Variants in GRID2 observed in about 807,000 individuals in gnomAD.
GRID2 encodes glutamate receptor ionotropic, delta-2.
A neutral mutation model predicts 114.8 loss-of-function variants in GRID2; 33 were observed. That is an observed-to-expected ratio of 0.29 (90% CI 0.22 to 0.38). The LOEUF is 0.38. GRID2 is among the 10% of genes least tolerant of loss of function. The pLI, the probability that GRID2 is intolerant of heterozygous loss-of-function variation, is 1.00. For missense variants in GRID2, 1,184 were observed against 1,257.7 expected (o/e 0.94, Z 0.89); for synonymous variants, 505 against 449.9 (o/e 1.12, Z -1.55).
chr4:93,338,148 T>C lies in GRID2; in HGVS notation c.1246-57459T>C, dbSNP rs532984489. On this transcript the variant is annotated intron_variant, in intron 8 of 15. Transcript: ENST00000282020. ...TTGACCATTCATCAGTGATGTGAAT[T>C]TTTTTTTGCTACAATACATAACAGT... is the stretch of plus-strand genomic sequence containing the variant. Among the ~76,000 whole-genome samples, 88 of 91,622 alleles carry C rather than the reference T, an allele frequency of 9.6e-4. No homozygotes were observed. The African/African-American group carries it at 0.011, about 11-fold the overall frequency. 60.1% of individuals were successfully genotyped at this position (91,622 alleles called of 152,430 possible). A position where few individuals can be genotyped will look rare whatever the true frequency, so the allele number is the denominator to read the frequency against.
chr4:92,593,857 T>G (rs1368515101), intron 2 of GRID2, among the ~76,000 whole-genome samples: 4 of 151,096 alleles, frequency 2.6e-5, no homozygotes, highest in Non-Finnish European at 5.9e-5. Flanking sequence ...CTTGACAATT[T>G]TTTTTTTCAT....
At chr4:92,536,727 C>A (rs942547906) in intron 1 of GRID2, among the ~76,000 whole-genome samples, 1 of 152,098 alleles carries the variant, frequency 6.6e-6, no homozygotes. Flanking sequence ...TTATATGCCT[C>A]TTGCTCACCA....
rs531300900 is a variant in GRID2, at chr4:93,518,361, C to T, written c.2193+2950C>T. The stretch of plus-strand genomic sequence containing the variant: ...TTTGCTAAACTTGGTAGCAAACTAC[C>T]CTAAGTAAACTAGACAAATTTTTTT... On this transcript the variant is annotated intron_variant, in intron 13 of 15. Transcript: ENST00000282020. 2.0e-5 allele frequency among the ~76,000 whole-genome samples: 3 copies of T among 151,880 alleles called. No individual in the cohort carries two copies. In the South Asian group the frequency reaches 6.3e-4, roughly 32 times the overall value.
At position 92,395,219 on chromosome 4, in the gene GRID2, A is replaced by G. The variant is rs1056132175; in HGVS notation, c.88+90475A>G. On this transcript the variant is annotated intron_variant, in intron 1 of 15. Transcript: ENST00000282020. ...AATGGGGATATTTTTACAATAAAAC[A>G]TAGAATTAAAAATTATGATTTTGGA... Among the ~76,000 whole-genome samples, 8 of 151,860 alleles carry G rather than the reference A, an allele frequency of 5.3e-5. No homozygotes were observed. In the East Asian group the frequency reaches 1.5e-3, roughly 29 times the overall value.
At chr4:93,157,559 G>A (rs1473909936) in intron 4 of GRID2, among the ~76,000 whole-genome samples, 1 of 151,724 alleles carries the variant, frequency 6.6e-6, no homozygotes, top group Non-Finnish European at 1.5e-5. Flanking sequence ...TACTGGAAAA[G>A]TAGAAACGCT....
intron 1 of GRID2, among the ~76,000 whole-genome samples, chr4:92,487,587 T>TA (rs1722955317): frequency 2.6e-5 from 4 of 152,224 alleles, no homozygotes; most frequent in Admixed American, 2.6e-4. Context: ...TGTCTTTGTC[T>TA]TGCAAGAATT....
At chr4:93,037,162 G>A (rs768832033) in intron 2 of GRID2, among the ~76,000 whole-genome samples, 5 of 152,130 alleles carry the variant, frequency 3.3e-5, no homozygotes, top group Non-Finnish European at 5.9e-5. Context: ...TCTCTGGCAT[G>A]TAATTTCTCT....
At chr4:93,782,665 C>A (rs1368026601) in intron 1 of GRID2, among the ~76,000 whole-genome samples, 4 of 152,134 alleles carry the variant, frequency 2.6e-5, no homozygotes, top group African/African-American at 9.7e-5. Context: ...AACCAACTTT[C>A]AACACTGAGG....
At chr4:93,131,930 G>A (rs1199738586) in intron 4 of GRID2, among the ~76,000 whole-genome samples, 3 of 152,232 alleles carry the variant, frequency 2.0e-5, no homozygotes, top group Non-Finnish European at 2.9e-5. Context: ...TCCTAGAATA[G>A]TGTCTCTCAG....
intron 1 of GRID2, among the ~76,000 whole-genome samples, chr4:92,569,030 A>G (rs142450005): frequency 6.6e-6 from 1 of 152,152 alleles, no homozygotes; most frequent in East Asian, 1.9e-4. Flanking sequence ...TAAATAGGCA[A>G]AAGTGTGCCA....
chr4:92,781,717 G>T (rs1739085696), intron 2 of GRID2, among the ~76,000 whole-genome samples: 1 of 151,782 alleles, frequency 6.6e-6, no homozygotes, highest in African/African-American at 2.4e-5. Context: ...GCTATTGAGG[G>T]ATTCTAATAT....
chr4:92,784,265 A>C (rs969047303), intron 2 of GRID2, among the ~76,000 whole-genome samples: 2 of 151,972 alleles, frequency 1.3e-5, no homozygotes, highest in Non-Finnish European at 2.9e-5. Flanking sequence ...TGAAATTTCA[A>C]CGTGGCAAAA....
intron 11 of GRID2, among the ~76,000 whole-genome samples, chr4:93,462,444 G>A (rs146333568): frequency 6.6e-6 from 1 of 152,284 alleles, no homozygotes; most frequent in African/African-American, 2.4e-5. Flanking sequence ...GCCTTTAGGA[G>A]TGTTAGAAAT....
intron 1 of GRID2, among the ~76,000 whole-genome samples, chr4:92,577,773 G>A (rs1011467746): frequency 2.0e-5 from 3 of 152,128 alleles, no homozygotes; most frequent in Non-Finnish European, 4.4e-5. Flanking sequence ...AATTACCATG[G>A]AATTAGGTGG....
In GRID2 at chr4:92,560,062, T is replaced by C. The variant is rs1380068450; in HGVS notation, c.89-30069T>C. 2.0e-5 allele frequency among the ~76,000 whole-genome samples: 3 copies of C among 152,180 alleles called. No homozygotes were observed. In the East Asian group the frequency reaches 5.8e-4, roughly 29 times the overall value. ...CTTATATCATTACTAAATAATGAGA[T>C]AGTTGAAGGAAATGACATTTTAGGA... On this transcript the variant is annotated intron_variant, in intron 1 of 15. Transcript: ENST00000282020.
At chr4:93,729,377 A>G (rs958861618) in intron 14 of GRID2, among the ~76,000 whole-genome samples, 1 of 152,162 alleles carries the variant, frequency 6.6e-6, no homozygotes, top group African/African-American at 2.4e-5. Context: ...TAGAAAAGAA[A>G]TAAAATCTCT....
chr4:93,665,056 A>G (rs1723831750), intron 14 of GRID2, among the ~76,000 whole-genome samples: 2 of 152,196 alleles, frequency 1.3e-5, no homozygotes, highest in Admixed American at 6.5e-5. Flanking sequence ...ATGAATTCTA[A>G]TTAAACACTT....
intron 2 of GRID2, among the ~76,000 whole-genome samples, chr4:92,704,723 T>TC (rs1734861937): frequency 5.5e-5 from 5 of 90,094 alleles, no homozygotes; most frequent in South Asian, 4.4e-4. Flanking sequence ...CTCTCTCTCT[T>TC]TCTCTCTCTC....
chr4:93,591,343 T>C (rs1166310035), intron 13 of GRID2, among the ~76,000 whole-genome samples: 1 of 151,794 alleles, frequency 6.6e-6, no homozygotes, highest in African/African-American at 2.4e-5. Context: ...GCTCTGTTTA[T>C]ATGCTGGATT....
Sources: allele counts gnomAD v4.1 joint callset (sites outside exome capture counted in the v4.1 genomes callset), GRCh38; gene constraint gnomAD v4.1.1; transcripts MANE v1.5; gene names NCBI Gene and HGNC (gene_info 2026-07-23, HGNC 2026-07-21).